The following LHFPL2 variants were observed in gnomAD, a reference collection of about 807,000 sequenced individuals.
LHFPL2 encodes the protein LHFPL tetraspan subfamily member 2 protein.
Under a neutral mutation model 17.5 loss-of-function variants are expected in LHFPL2, and 7 were observed. The observed-to-expected ratio is 0.40, with a 90% CI of 0.23 to 0.75. The LOEUF is 0.75. Ranked by LOEUF, LHFPL2 falls within the 30% of genes least tolerant of loss-of-function variation. LHFPL2 has a pLI of 0.37. For missense variants in LHFPL2, 241 were observed against 294.8 expected (o/e 0.82, Z 1.34); for synonymous variants, 134 against 116.2 (o/e 1.15, Z -0.99).
chr5:78,520,829 G>GCC (rs138936036), intron 3 of LHFPL2, among the ~76,000 whole-genome samples: 72 of 152,156 alleles, frequency 4.7e-4, no homozygotes, highest in African/African-American at 1.7e-3. Context: ...TACAAATGAG[G>GCC]CCCCCCTGCC....
chr5:78,601,662 G>C (rs1007928761), intron 2 of LHFPL2, among the ~76,000 whole-genome samples: 2 of 152,182 alleles, frequency 1.3e-5, no homozygotes, highest in African/African-American at 4.8e-5. Context: ...TGTCTCTAGG[G>C]TGGGCTGAAC....
At chr5:78,645,789 G>A (rs1745855057) in intron 1 of LHFPL2, among the ~76,000 whole-genome samples, 1 of 152,206 alleles carries the variant, frequency 6.6e-6, no homozygotes, top group South Asian at 2.1e-4. Flanking sequence ...CGCTATGTTG[G>A]CCAGGGTGGT....
chr5:78,537,016 T>TCCCTCAC (rs1755969180), intron 3 of LHFPL2, among the ~76,000 whole-genome samples: 1 of 152,212 alleles, frequency 6.6e-6, no homozygotes, highest in Non-Finnish European at 1.5e-5. Context: ...GCAGCGTTGG[T>TCCCTCAC]GGCACCTAGG....
chr5:78,621,031 G>A (rs1030318634), intron 2 of LHFPL2, among the ~76,000 whole-genome samples: 3 of 149,302 alleles, frequency 2.0e-5, no homozygotes, highest in Non-Finnish European at 3.0e-5. Flanking sequence ...GTAGTGGCTC[G>A]ATCTCGGCTC....
At chr5:78,548,218 G>C (rs1214144444) in intron 3 of LHFPL2, among the ~76,000 whole-genome samples, 2 of 152,226 alleles carry the variant, frequency 1.3e-5, no homozygotes, top group East Asian at 3.9e-4. Flanking sequence ...CGATGCAGAG[G>C]CCTCCCAGCT....
chr5:78,558,183 T>C (rs1756631277), intron 3 of LHFPL2, among the ~76,000 whole-genome samples: 1 of 152,170 alleles, frequency 6.6e-6, no homozygotes, highest in African/African-American at 2.4e-5. Flanking sequence ...TAAATAAGAA[T>C]ACTAAATAAA....
chr5:78,581,199 G>A (rs1298131448), intron 2 of LHFPL2, among the ~76,000 whole-genome samples: 13 of 151,902 alleles, frequency 8.6e-5, no homozygotes, highest in East Asian at 3.9e-4. Flanking sequence ...ATTGATTGAC[G>A]ATGGGGTTTT....
chr5:78,559,040 G>A (rs927688397), intron 3 of LHFPL2, among the ~76,000 whole-genome samples: 4 of 151,994 alleles, frequency 2.6e-5, no homozygotes, highest in Non-Finnish European at 4.4e-5. Context: ...TTCATCAGTC[G>A]GCTGCAGCCC....
intron 1 of LHFPL2, among the ~76,000 whole-genome samples, chr5:78,637,674 T>C (rs922364746): frequency 2.5e-4 from 38 of 152,368 alleles, no homozygotes; most frequent in African/African-American, 8.7e-4. Context: ...CCATAGTCTC[T>C]TTCATGCTCC....
At chr5:78,638,754 T>A (rs1008139748) in intron 1 of LHFPL2, among the ~76,000 whole-genome samples, 2 of 152,134 alleles carry the variant, frequency 1.3e-5, no homozygotes. Flanking sequence ...ACGGGCTGCA[T>A]GTATCAAAGA....
At chr5:78,594,394 C>T (rs730781) in intron 2 of LHFPL2, among the ~76,000 whole-genome samples, 59,161 of 152,048 alleles carry the variant, frequency 0.39, 11,938 homozygotes, top group Middle Eastern at 0.48. Context: ...CTGTAATATA[C>T]GCTGTCTAAT....
At chr5:78,624,690 T>C (rs1744968579) in intron 2 of LHFPL2, 1 of 152,254 alleles carries the variant, frequency 6.6e-6, no homozygotes, top group Admixed American at 6.5e-5. Context: ...ATTGTAAATC[T>C]CTTCTTGTTT....
chr5:78,621,549 T>A (rs1340954507), intron 2 of LHFPL2, among the ~76,000 whole-genome samples: 1 of 152,132 alleles, frequency 6.6e-6, no homozygotes, highest in African/African-American at 2.4e-5. Flanking sequence ...GAAAACACCA[T>A]TTAGAAACTG....
intron 3 of LHFPL2, among the ~76,000 whole-genome samples, chr5:78,533,906 T>TATTAGTACAACAGAGGAG (rs1248496776): frequency 6.6e-6 from 1 of 152,202 alleles, no homozygotes; most frequent in Non-Finnish European, 1.5e-5. Flanking sequence ...CCAGAGATGC[T>TATTAGTACAACAGAGGAG]ATTAGTACAA....
chr5:78,532,075 C>A (rs1276220494), intron 3 of LHFPL2, among the ~76,000 whole-genome samples: 1 of 152,124 alleles, frequency 6.6e-6, no homozygotes, highest in Non-Finnish European at 1.5e-5. Flanking sequence ...CAGGCACGTG[C>A]CACCACACCC....
intron 3 of LHFPL2, among the ~76,000 whole-genome samples, chr5:78,514,218 G>A (rs1393807798): frequency 2.6e-5 from 4 of 152,022 alleles, no homozygotes; most frequent in Admixed American, 6.5e-5. Flanking sequence ...TCTTCTCTAC[G>A]GGCCACTAAA....
At chr5:78,589,592 G>GC (rs1743554497) in intron 2 of LHFPL2, among the ~76,000 whole-genome samples, 1 of 152,036 alleles carries the variant, frequency 6.6e-6, no homozygotes, top group South Asian at 2.1e-4. Context: ...GTCTACTCTT[G>GC]CCCGCCTTTC....
At position 78,510,516 on chromosome 5, in the gene LHFPL2, C is replaced by T. The variant is rs1755084344; in HGVS notation, c.-185-118G>A. Reference sequence around the variant, plus strand: ...CAGAACCCTGCCAGCAAGCCCCGGGCCTGGCTAGCATGCCAGGCGGTTGTT... The same window carrying T: ...CAGAACCCTGCCAGCAAGCCCCGGGTCTGGCTAGCATGCCAGGCGGTTGTT... On this transcript the variant is annotated intron_variant, in intron 3 of 4. Coordinates refer to ENST00000380345, the MANE Select transcript of LHFPL2 (RefSeq NM_005779.3). 3.4e-5 allele frequency: 13 copies of T among 380,322 alleles called. No homozygotes were observed. The South Asian group carries it at 5.2e-4, about 15-fold the overall frequency. 23.6% of individuals were successfully genotyped at this position (380,322 alleles called of 1,614,324 possible).
At chr5:78,556,587 G>A (rs545942666) in intron 3 of LHFPL2, among the ~76,000 whole-genome samples, 2 of 151,968 alleles carry the variant, frequency 1.3e-5, no homozygotes, top group Admixed American at 6.6e-5. Flanking sequence ...GATATTCAAG[G>A]TTGATATTTA....
Sources: allele counts gnomAD v4.1 joint callset (sites outside exome capture counted in the v4.1 genomes callset), GRCh38; gene constraint gnomAD v4.1.1; transcripts MANE v1.5; gene names NCBI Gene and HGNC (gene_info 2026-07-23, HGNC 2026-07-21).